Variants in KCNG3 observed in about 807,000 individuals in gnomAD.
KCNG3 encodes the protein potassium voltage-gated channel modifier subfamily G member 3, also known as voltage-gated potassium channel regulatory subunit KCNG3.
In KCNG3, 15 loss-of-function variants were observed where a neutral mutation model predicts 29.0. The ratio of observed to expected loss-of-function variants is 0.52; its 90% confidence interval spans 0.35 to 0.80. The LOEUF is 0.80. Ranked by LOEUF, KCNG3 falls within the 30% of genes least tolerant of loss-of-function variation. KCNG3 has a pLI of 0.01. For synonymous variants in KCNG3, 322 were observed against 248.9 expected (o/e 1.29, Z -2.76); for missense variants, 512 against 605.7 (o/e 0.85, Z 1.62).
chr2:42,407,216 C>T, the KCNG3 span, among the ~76,000 whole-genome samples: 11 of 142,888 alleles, frequency 7.7e-5, no homozygotes, highest in African/African-American at 1.8e-4. Context: ...CTTGCTCCAT[C>T]GCCCAGGCTG....
At chr2:42,467,134 A>G (rs1293526915) in intron 1 of KCNG3, among the ~76,000 whole-genome samples, 4 of 152,180 alleles carry the variant, frequency 2.6e-5, no homozygotes, top group African/African-American at 9.7e-5. Flanking sequence ...TGAAATGGAC[A>G]ATTTCCCAGA....
the KCNG3 span, among the ~76,000 whole-genome samples, chr2:42,409,487 T>C: frequency 6.6e-6 from 1 of 151,964 alleles, no homozygotes; most frequent in Admixed American, 6.6e-5. Context: ...GAGGATTGCT[T>C]GAGCTCAGGA....
In KCNG3 at chr2:42,451,911, C is replaced by A. The variant is rs796572560; in HGVS notation, c.666-7332G>T. 2.7e-5 allele frequency among the ~76,000 whole-genome samples: 4 copies of A among 150,282 alleles called. No homozygotes were observed. In the South Asian group the frequency reaches 6.3e-4, roughly 24 times the overall value. On this transcript the variant is annotated intron_variant, in intron 1 of 1. Coordinates refer to ENST00000306078, the MANE Select transcript of KCNG3 (RefSeq NM_133329.6). ...TGAGACCCTACCTCAAAAACAAAAA[C>A]AACAACAACAACAACAACAAAGATA...
At chr2:42,445,654 T>C (rs566843882) in intron 1 of KCNG3, among the ~76,000 whole-genome samples, 1 of 152,336 alleles carries the variant, frequency 6.6e-6, no homozygotes, top group South Asian at 2.1e-4. Context: ...AGAGCAATAT[T>C]TACCACCCTT....
At chr2:42,445,396 G>T (rs544721986) in intron 1 of KCNG3, among the ~76,000 whole-genome samples, 1 of 152,044 alleles carries the variant, frequency 6.6e-6, no homozygotes, top group Admixed American at 6.6e-5. Flanking sequence ...AACGTGAATC[G>T]TCCTTCCTTC....
chr2:42,443,987 T>G lies in KCNG3; in HGVS notation c.1258A>C (p.Lys420Gln). 1.2e-6 allele frequency: 2 copies of G among 1,614,120 alleles called. No individual in the cohort carries two copies. Among genetic ancestry groups the G allele is most frequent in the Non-Finnish European group, 1.7e-6 (2 of 1,180,006 alleles). The change falls in exon 2 of 2, where the codon AAG (lysine) becomes CAG (glutamine). Residue 420 changes from lysine (K) to glutamine (Q), a missense_variant. Transcript: ENST00000306078. ...CTACTATACCTAGCAGATCTAAACT[T>G]GAGCTCATGATAACACTGCACAAAG... is the stretch of plus-strand genomic sequence containing the variant. ...HSFVQCYHEL[K>Q]FRSARYSRSL...
At chr2:42,473,903 C>T (rs1572858062) in intron 1 of KCNG3, among the ~76,000 whole-genome samples, 1 of 151,700 alleles carries the variant, frequency 6.6e-6, no homozygotes, top group Admixed American at 6.6e-5. Context: ...TGTAATCCCA[C>T]CACTTTGGGA....
At chr2:42,409,731 T>TAAAAAA in the KCNG3 span, among the ~76,000 whole-genome samples, 2 of 77,030 alleles carry the variant, frequency 2.6e-5, no homozygotes, top group African/African-American at 8.4e-5. Context: ...AAAAAAAAAT[T>TAAAAAA]TTTTTTTAAA....
At chr2:42,409,945 T>C in the KCNG3 span, among the ~76,000 whole-genome samples, 2 of 152,224 alleles carry the variant, frequency 1.3e-5, no homozygotes, top group African/African-American at 4.8e-5. Flanking sequence ...AGTAATGTGA[T>C]CACATAATTT....
intron 1 of KCNG3, among the ~76,000 whole-genome samples, chr2:42,453,571 T>C (rs1405791628): frequency 6.6e-6 from 1 of 152,232 alleles, no homozygotes; most frequent in South Asian, 2.1e-4. Flanking sequence ...TTTTTTCCTA[T>C]AGAGTTGTTT....
At chr2:42,388,482 A>G in the KCNG3 span, 1 of 152,234 alleles carries the variant, frequency 6.6e-6, no homozygotes, top group South Asian at 2.1e-4. Context: ...AATACCACAG[A>G]CTGGTGGCTT....
At chr2:42,455,696 G>A (rs150825233) in intron 1 of KCNG3, among the ~76,000 whole-genome samples, 1 of 152,212 alleles carries the variant, frequency 6.6e-6, no homozygotes, top group Non-Finnish European at 1.5e-5. Flanking sequence ...TTGGGCCCAG[G>A]AGCTTGGGGC....
intron 1 of KCNG3, among the ~76,000 whole-genome samples, chr2:42,490,770 G>A (rs1387348633): frequency 6.6e-6 from 1 of 152,142 alleles, no homozygotes; most frequent in Non-Finnish European, 1.5e-5. Flanking sequence ...GGCTTTATTT[G>A]GCAGATGCAA....
chr2:42,412,894 A>G, the KCNG3 span, among the ~76,000 whole-genome samples: 2 of 151,734 alleles, frequency 1.3e-5, no homozygotes, highest in Admixed American at 1.3e-4. Context: ...CTTTATTTTT[A>G]ATTACTACGT....
the KCNG3 span, among the ~76,000 whole-genome samples, chr2:42,391,228 C>T: frequency 6.6e-6 from 1 of 152,200 alleles, no homozygotes; most frequent in East Asian, 1.9e-4. Context: ...TATTGAAATC[C>T]CCCAGCAAGC....
At chr2:42,479,175 A>T (rs1309311366) in intron 1 of KCNG3, among the ~76,000 whole-genome samples, 2 of 152,124 alleles carry the variant, frequency 1.3e-5, no homozygotes, top group African/African-American at 4.8e-5. Context: ...TTGCCTCCCC[A>T]GCCACCAGAT....
intron 1 of KCNG3, among the ~76,000 whole-genome samples, chr2:42,485,185 C>A (rs1293382944): frequency 6.6e-6 from 1 of 152,080 alleles, no homozygotes; most frequent in Non-Finnish European, 1.5e-5. Context: ...CAAATTCTCA[C>A]CACCACAACA....
chr2:42,430,505 T>G, the KCNG3 span, among the ~76,000 whole-genome samples: 1 of 151,522 alleles, frequency 6.6e-6, no homozygotes, highest in South Asian at 2.1e-4. Flanking sequence ...ATCCCAGCAC[T>G]TTGAGATGCC....
chr2:42,413,542 T>C, the KCNG3 span, among the ~76,000 whole-genome samples: 1 of 152,232 alleles, frequency 6.6e-6, no homozygotes, highest in Non-Finnish European at 1.5e-5. Context: ...TTTCTAGTCT[T>C]CTAGTCATAT....
Sources: gnomAD v4.1 joint callset for allele counts (sites outside exome capture counted in the v4.1 genomes callset) on GRCh38, gnomAD v4.1.1 for gene constraint, MANE v1.5 for transcripts, NCBI Gene and HGNC (gene_info 2026-07-23, HGNC 2026-07-21) for gene names.